NAT1: variants seen among roughly 807,000 people sequenced by gnomAD.
The protein encoded by NAT1 is arylamine N-acetyltransferase 1.
For synonymous variants in NAT1, 144 were observed against 122.6 expected (o/e 1.17, Z -1.16); for missense variants, 400 against 339.2 (o/e 1.18, Z -1.41).
chr8:18,218,060 T>C (rs182020165), intron 1 of NAT1, among the ~76,000 whole-genome samples: 68 of 152,272 alleles, frequency 4.5e-4, no homozygotes, highest in Admixed American at 1.4e-3. Context: ...GTTCCTCTTC[T>C]GGTGTTAACA....
upstream of NAT1, among the ~76,000 whole-genome samples, chr8:18,209,248 C>T (rs979109127): frequency 6.6e-5 from 10 of 152,340 alleles, no homozygotes; most frequent in Admixed American, 2.6e-4. Context: ...CATAGAGTCC[C>T]GAGTTCACGT....
chr8:18,185,654 C>A (rs1439434364), intron 2 of NAT1, among the ~76,000 whole-genome samples: 1 of 151,890 alleles, frequency 6.6e-6, no homozygotes, highest in East Asian at 1.9e-4. Flanking sequence ...TATCTTTATT[C>A]TTTTCATTCA....
At chr8:18,207,545 G>C (rs1477559234), upstream of NAT1, among the ~76,000 whole-genome samples, 1 of 152,154 alleles carries the variant, frequency 6.6e-6, no homozygotes, top group Non-Finnish European at 1.5e-5. Context: ...TTAGAGAAAT[G>C]CAAGTCAAAA....
chr8:18,219,412 A>C lies in NAT1; in HGVS notation c.-84A>C. The C allele has an allele frequency of 6.5e-7, 1 of 1,546,222 alleles. No homozygotes were observed. The highest frequency in any genetic ancestry group is 1.2e-5 in the South Asian group (1 of 83,130). On this transcript the variant is annotated splice_region_variant and 5_prime_UTR_variant, in exon 2 of 3. Transcript: ENST00000307719. The stretch of plus-strand genomic sequence containing the variant: ...GACTGTCTTTTCTCTTATTTCTAGA[A>C]TTCAAGCCAGGAAGAAGCAGCAATC...
upstream of NAT1, among the ~76,000 whole-genome samples, chr8:18,205,215 C>T (rs1224418303): frequency 1.3e-5 from 2 of 152,182 alleles, no homozygotes; most frequent in Non-Finnish European, 2.9e-5. Context: ...TCAGCTGAGG[C>T]AGAGTGCTAG....
chr8:18,206,148 G>A (rs905309058), upstream of NAT1, among the ~76,000 whole-genome samples: 1 of 152,152 alleles, frequency 6.6e-6, no homozygotes, highest in African/African-American at 2.4e-5. Flanking sequence ...TCCTTCTGCT[G>A]GAGTTCCAGA....
chr8:18,173,622 T>C (rs1274004815), intron 2 of NAT1, among the ~76,000 whole-genome samples: 1 of 152,168 alleles, frequency 6.6e-6, no homozygotes, highest in Non-Finnish European at 1.5e-5. Context: ...GCGTGGATAG[T>C]GGAGAGTGCA....
chr8:18,204,808 AG>A (rs1306043975), intron 2 of NAT1, among the ~76,000 whole-genome samples: 1 of 152,260 alleles, frequency 6.6e-6, no homozygotes, highest in African/African-American at 2.4e-5. Flanking sequence ...ATTTTGGTGA[AG>A]AATGTTATAA....
At chr8:18,206,100 T>A (rs1803706640), upstream of NAT1, among the ~76,000 whole-genome samples, 4 of 152,140 alleles carry the variant, frequency 2.6e-5, no homozygotes, top group Non-Finnish European at 5.9e-5. Context: ...TCTAAGCAGC[T>A]CTCCCTGCCA....
chr8:18,223,556 GC>G lies in NAT1; in HGVS notation c.*637del, dbSNP rs1805567996. 1 of 166,932 alleles carries G rather than the reference GC, an allele frequency of 6.0e-6. No homozygotes were observed. The highest frequency in any genetic ancestry group is 2.1e-4 in the South Asian group (1 of 4,822). The allele number at this position is 166,932 out of a possible 1,614,324, so 10.3% of individuals were successfully genotyped here. The stretch of plus-strand genomic sequence containing the variant: ...TCCTCAGGCATAAAATGGGAATAAT[GC>G]TTTTACAGTTTAGTGGCGGAACTAA... On this transcript the variant is annotated 3_prime_UTR_variant, in exon 3 of 3. Transcript: ENST00000307719.
At chr8:18,219,323 C>A (rs28359523) in intron 1 of NAT1, 88 bp from the exon 2 acceptor site, 1 of 868,928 alleles carries the variant, frequency 1.2e-6, no homozygotes, top group Admixed American at 2.6e-5. Flanking sequence ...TTTAGGAAAT[C>A]TTCATAATTT....
At chr8:18,220,273 A>G (rs8190835) in intron 2 of NAT1, among the ~76,000 whole-genome samples, 5,292 of 152,274 alleles carry the variant, frequency 0.035, 320 homozygotes, top group African/African-American at 0.12. Context: ...AAGAACAGAG[A>G]AAGTTGGAAA....
At chr8:18,177,788 C>T (rs1466171226) in intron 2 of NAT1, among the ~76,000 whole-genome samples, 2 of 152,120 alleles carry the variant, frequency 1.3e-5, no homozygotes, top group Admixed American at 6.6e-5. Context: ...ACTTTATTAA[C>T]ATGTGTATCG....
chr8:18,187,400 A>G lies in NAT1; in HGVS notation n.92+16661A>G, dbSNP rs147852865. ...CTACCATAAAGACACATGCATATGTATGTTCATTGCAGCACTATTCACAAT... is the reference window on the plus strand; with the variant it reads ...CTACCATAAAGACACATGCATATGTGTGTTCATTGCAGCACTATTCACAAT... On this transcript the variant is annotated intron_variant and non_coding_transcript_variant, in intron 2 of 4. Transcript: ENST00000517441. Among the ~76,000 whole-genome samples the G allele has an allele frequency of 2.0e-3, 310 of 152,352 alleles. 5 individuals carry two copies. The highest frequency in any genetic ancestry group is 7.2e-3 in the African/African-American group (300 of 41,586).
At chr8:18,193,058 T>A (rs1589074188) in intron 2 of NAT1, among the ~76,000 whole-genome samples, 2 of 145,296 alleles carry the variant, frequency 1.4e-5, no homozygotes, top group African/African-American at 5.0e-5. Context: ...TAAGATCTAA[T>A]GAATTAGAAT....
intron 2 of NAT1, among the ~76,000 whole-genome samples, chr8:18,199,702 G>C (rs917318212): frequency 6.6e-6 from 1 of 152,150 alleles, no homozygotes; most frequent in African/African-American, 2.4e-5. Flanking sequence ...TGGCTGATAA[G>C]TCACTGGTGA....
At chr8:18,192,674 G>A (rs1803047375) in intron 2 of NAT1, among the ~76,000 whole-genome samples, 1 of 152,092 alleles carries the variant, frequency 6.6e-6, no homozygotes, top group South Asian at 2.1e-4. Context: ...AAAAGGATGA[G>A]TTCATGTCCT....
At chr8:18,216,644 G>C (rs567001980) in intron 1 of NAT1, among the ~76,000 whole-genome samples, 2 of 152,328 alleles carry the variant, frequency 1.3e-5, no homozygotes, top group South Asian at 4.1e-4. Context: ...TCAGTCATCA[G>C]AACACAGTCA....
At chr8:18,189,974 G>C (rs189972026) in intron 2 of NAT1, among the ~76,000 whole-genome samples, 116 of 152,208 alleles carry the variant, frequency 7.6e-4, no homozygotes, top group Non-Finnish European at 2.9e-4. Flanking sequence ...ATTTATAGTA[G>C]AGATCGGTTT....
Sources: allele counts gnomAD v4.1 joint callset (sites outside exome capture counted in the v4.1 genomes callset), GRCh38; gene constraint gnomAD v4.1.1; transcripts MANE v1.5; gene names NCBI Gene and HGNC (gene_info 2026-07-23, HGNC 2026-07-21).